The following CLK4 variants were observed in gnomAD, a reference collection of about 807,000 sequenced individuals.
The protein encoded by CLK4 is dual specificity protein kinase CLK4.
In CLK4, 37 loss-of-function variants were observed where a neutral mutation model predicts 64.4. That is an observed-to-expected ratio of 0.57 (90% CI 0.44 to 0.76). The LOEUF (loss-of-function observed/expected upper bound fraction) is 0.76, where lower values mean the gene tolerates loss of function less well. Among genes scored for constraint, CLK4 ranks in the 30% least tolerant of loss-of-function variants. The pLI, the probability that CLK4 is intolerant of heterozygous loss-of-function variation, is 0.00. For synonymous variants in CLK4, 175 were observed against 191.6 expected (o/e 0.91, Z 0.72); for missense variants, 457 against 605.1 (o/e 0.76, Z 2.57).
intron 3 of CLK4, 94 bp downstream of exon 3, chr5:178,618,460 TTA>T (rs35899017): frequency 9.3e-4 from 336 of 360,814 alleles, no homozygotes; most frequent in South Asian, 1.1e-3. Flanking sequence ...AAATAGTATT[TTA>T]TATATATATA....
chr5:178,603,790 T>A lies in CLK4; in HGVS notation c.1306-33A>T, dbSNP rs375951583. The A allele has an allele frequency of 2.3e-5, 36 of 1,578,150 alleles. No individual in the cohort carries two copies. In the African/African-American group the frequency reaches 4.3e-4, roughly 19 times the overall value. Reference sequence around the variant, plus strand: ...AGAAATGTTTTTGTTTTAAAAAAAATTATTAATAGTGCAAACACGTGGTTT... The same window carrying A: ...AGAAATGTTTTTGTTTTAAAAAAAAATATTAATAGTGCAAACACGTGGTTT... On this transcript the variant is annotated intron_variant, in intron 12 of 12. Transcript: ENST00000316308.
In CLK4 at chr5:178,613,463, G is replaced by C. The variant is rs1276630469; in HGVS notation, c.826+10C>G. The C allele has an allele frequency of 6.7e-7, 1 of 1,483,208 alleles. No homozygotes were observed. Among genetic ancestry groups the C allele is most frequent in the Non-Finnish European group, 9.0e-7 (1 of 1,112,556 alleles). The allele number at this position is 1,483,208 out of a possible 1,614,324, so 91.9% of individuals were successfully genotyped here. A position where few individuals can be genotyped will look rare whatever the true frequency, so the allele number is the denominator to read the frequency against. On this transcript the variant is annotated intron_variant, in intron 7 of 12. Coordinates refer to ENST00000316308, the MANE Select transcript of CLK4 (RefSeq NM_020666.3). Reference sequence around the variant, plus strand: ...ATAAATAAAAATAAAGATTTATCAAGTGTACTTACAATTTATTGACTGGCA... The same window carrying C: ...ATAAATAAAAATAAAGATTTATCAACTGTACTTACAATTTATTGACTGGCA...
intron 2 of CLK4, chr5:178,620,452 A>G (rs1185071365): frequency 7.0e-6 from 2 of 284,140 alleles, no homozygotes; most frequent in African/African-American, 2.2e-5. Context: ...AACTAAAAGG[A>G]TGAGAGTCTC....
chr5:178,618,511 A>AAAAC, intron 3 of CLK4, 45 bp downstream of exon 3: 2 of 1,335,390 alleles, frequency 1.5e-6, no homozygotes, highest in Non-Finnish European at 1.1e-6. Flanking sequence ...TTAAGAGTAC[A>AAAAC]CACAAATAAA....
At chr5:178,608,564 G>T in intron 9 of CLK4, 106 bp from the exon 10 acceptor site, 2 of 702,168 alleles carry the variant, frequency 2.8e-6, no homozygotes, top group Non-Finnish European at 4.7e-6. Flanking sequence ...CCATTTGGGA[G>T]AATAAGACAC....
intron 7 of CLK4, 81 bp from the exon 8 acceptor site, chr5:178,612,971 A>C: frequency 1.5e-6 from 1 of 685,326 alleles, no homozygotes; most frequent in South Asian, 2.0e-5. Flanking sequence ...CTGGCAAAGG[A>C]TATAGTGGTC....
intron 11 of CLK4, 104 bp from the exon 12 acceptor site, chr5:178,604,038 T>C (rs1177025708): frequency 5.3e-6 from 4 of 761,524 alleles, no homozygotes; most frequent in Non-Finnish European, 8.4e-6. Flanking sequence ...TCTAAGTGTA[T>C]AGACTTATAT....
chr5:178,616,425 G>A (rs534714985), intron 5 of CLK4, among the ~76,000 whole-genome samples: 11 of 152,058 alleles, frequency 7.2e-5, no homozygotes, highest in East Asian at 1.9e-4. Flanking sequence ...CCACATTCAC[G>A]GTAAATAAAT....
rs1032125782 is a variant in CLK4, at chr5:178,618,748, C to T, written c.192G>A (p.Glu64=). The change falls in exon 3 of 13, where the codon GAG becomes GAA. Residue 64 remains glutamate (E), a synonymous_variant. Transcript: ENST00000316308. The stretch of plus-strand genomic sequence containing the variant: ...CGTATCTCCGGTCCCGATAATCTCG[C>T]TCATTCAAGGACCTTGCTTCTAAAT... ...CHYLEARSLN[E]RDYRDRRYVD... is the part of the protein sequence containing the mutation. The T allele has an allele frequency of 6.2e-7, 1 of 1,613,436 alleles. No homozygotes were observed. Among genetic ancestry groups the T allele is most frequent in the Non-Finnish European group, 8.5e-7 (1 of 1,179,708 alleles).
At chr5:178,616,412 G>A (rs1026359579) in intron 5 of CLK4, among the ~76,000 whole-genome samples, 3 of 152,156 alleles carry the variant, frequency 2.0e-5, no homozygotes, top group African/African-American at 7.2e-5. Flanking sequence ...GCATTCTTAA[G>A]ATCCACATTC....
At position 178,612,483 on chromosome 5, in the gene CLK4, C is replaced by T. The variant is rs760308717; in HGVS notation, c.984G>A (p.Thr328=). 2.2e-5 allele frequency: 35 copies of T among 1,613,814 alleles called. No homozygotes were observed. The highest frequency in any genetic ancestry group is 1.8e-4 in the Admixed American group (11 of 59,994). The stretch of plus-strand genomic sequence containing the variant: ...AAGTACTGTGATGTTCATCATCATA[C>T]GTTGCACTTCCAAAGTCAACAACTT... ...DIKVVDFGSA[T]YDDEHHSTLV... The change falls in exon 9 of 13, where the codon ACG becomes ACA. Residue 328 remains threonine (T), a synonymous_variant. Coordinates refer to ENST00000316308, the MANE Select transcript of CLK4 (RefSeq NM_020666.3).
chr5:178,612,304 C>T lies in CLK4; in HGVS notation c.1051+112G>A, dbSNP rs1261098958. ...ACACATTTTTTATGAAAATAGAAAA[C>T]GTTTTCTGAATCCTGCTGAGAAGAT... On this transcript the variant is annotated intron_variant, in intron 9 of 12. Coordinates refer to ENST00000316308, the MANE Select transcript of CLK4 (RefSeq NM_020666.3). 2.9e-5 allele frequency: 27 copies of T among 940,108 alleles called. 1 individual carries two copies. The highest frequency in any genetic ancestry group is 2.1e-5 in the Non-Finnish European group (14 of 651,970). 58.2% of individuals were successfully genotyped at this position (940,108 alleles called of 1,614,324 possible). A position where few individuals can be genotyped will look rare whatever the true frequency, so the allele number is the denominator to read the frequency against.
Position 178,613,504 on chromosome 5 carries a change from C to G in CLK4, c.795G>C (p.Gln265His), listed in dbSNP as rs896987229. 1.3e-5 allele frequency: 20 copies of G among 1,597,754 alleles called. No homozygotes were observed. Among genetic ancestry groups the G allele is most frequent in the Non-Finnish European group, 1.4e-5 (16 of 1,173,956 alleles). ...TTGACTGGCAGATCTGATACGCCATCTGCCTGATGTGGTCAATTTGAAATG... is the reference window on the plus strand; with the variant it reads ...TTGACTGGCAGATCTGATACGCCATGTGCCTGATGTGGTCAATTTGAAATG... ...FLPFQIDHIR[Q>H]MAYQICQSIN... Residue 265 changes from glutamine (Q) to histidine (H), a missense_variant, in exon 7 of 13, where the codon CAG (glutamine) becomes CAC (histidine). Physicochemically the swap from Gln to His is conservative, Grantham distance 24. Coordinates refer to ENST00000316308, the MANE Select transcript of CLK4 (RefSeq NM_020666.3).
intron 2 of CLK4, chr5:178,623,008 C>A (rs982282875): frequency 4.6e-6 from 2 of 432,704 alleles, no homozygotes; most frequent in Admixed American, 8.4e-5. Flanking sequence ...TAATACATTT[C>A]ACATTCACTT....
rs1033601254 is a variant in CLK4, at chr5:178,602,943, G to A, written c.*674C>T. On this transcript the variant is annotated 3_prime_UTR_variant, in exon 13 of 13. Transcript: ENST00000316308. ...TATCTGTGACTCACCAAACATACTT[G>A]GAAATGTCCATTTTCCAAGCTGACT... 6.6e-6 allele frequency: 1 copy of A among 152,060 alleles called. No individual in the cohort carries two copies. The highest frequency in any genetic ancestry group is 1.5e-5 in the Non-Finnish European group (1 of 67,998). The allele number at this position is 152,060 out of a possible 1,614,324, so 9.4% of individuals were successfully genotyped here. A position where few individuals can be genotyped will look rare whatever the true frequency, so the allele number is the denominator to read the frequency against.
chr5:178,618,271 A>C (rs527460731), intron 3 of CLK4: 1 of 155,856 alleles, frequency 6.4e-6, no homozygotes, highest in East Asian at 1.8e-4. Context: ...TTTCATAAGA[A>C]TATGTTACAA....
Position 178,603,883 on chromosome 5 carries a change from A to G in CLK4, c.1266T>C (p.Ser422=). ...HNQLDWDEHS[S]AGRYVRRRCK... is the part of the protein sequence containing the mutation. ...AGCGTCTCCTAACATATCTACCAGC[A>G]GAACTGTGTTCATCCCAATCTAGCT... The change falls in exon 12 of 13, where the codon TCT becomes TCC. Residue 422 remains serine, a synonymous_variant. Transcript: ENST00000316308. 1 of 1,611,814 alleles carries G rather than the reference A, an allele frequency of 6.2e-7. No homozygotes were observed. Among genetic ancestry groups the G allele is most frequent in the Non-Finnish European group, 8.5e-7 (1 of 1,179,452 alleles).
intron 5 of CLK4, among the ~76,000 whole-genome samples, chr5:178,615,572 C>T (rs1158669307): frequency 6.6e-6 from 1 of 152,056 alleles, no homozygotes; most frequent in Non-Finnish European, 1.5e-5. Flanking sequence ...TAAAACATTT[C>T]TAAGTATTCA....
chr5:178,610,690 G>A (rs974519869), intron 9 of CLK4, among the ~76,000 whole-genome samples: 2 of 152,040 alleles, frequency 1.3e-5, no homozygotes, highest in Non-Finnish European at 2.9e-5. Flanking sequence ...GCCAAGGCAG[G>A]CGGATCACTT....
Sources: allele counts gnomAD v4.1 joint callset (sites outside exome capture counted in the v4.1 genomes callset), GRCh38; gene constraint gnomAD v4.1.1; transcripts MANE v1.5; gene names NCBI Gene and HGNC (gene_info 2026-07-23, HGNC 2026-07-21).